EBF3: variants seen among roughly 807,000 people sequenced by gnomAD.
EBF3 encodes EBF transcription factor 3, also known as transcription factor COE3.
Under a neutral mutation model 77.1 loss-of-function variants are expected in EBF3, and 18 were observed. The ratio of observed to expected loss-of-function variants is 0.23; its 90% CI spans 0.16 to 0.35. The LOEUF (loss-of-function observed/expected upper bound fraction) is 0.35, where lower values mean the gene tolerates loss of function less well. Ranked by LOEUF, EBF3 falls within the 10% of genes least tolerant of loss-of-function variation. The probability of loss-of-function intolerance (pLI) is 1.00; values close to 1 mark genes in which losing one functional copy is unlikely to be tolerated. For missense variants in EBF3, 558 were observed against 860.0 expected (o/e 0.65, Z 4.39); for synonymous variants, 350 against 343.5 (o/e 1.02, Z -0.21).
intron 8 of EBF3, among the ~76,000 whole-genome samples, chr10:129,868,620 G>A (rs1399310945): frequency 2.6e-5 from 4 of 152,210 alleles, no homozygotes; most frequent in Non-Finnish European, 5.9e-5. Context: ...GGAGGGGTTG[G>A]GGGCACACAG....
intron 10 of EBF3, among the ~76,000 whole-genome samples, chr10:129,860,240 C>T (rs1163294384): frequency 3.9e-5 from 6 of 151,976 alleles, no homozygotes; most frequent in African/African-American, 1.5e-4. Context: ...TCCCGCTCTA[C>T]CCCCGACTCT....
chr10:129,854,872 C>T (rs1851138695), intron 10 of EBF3, among the ~76,000 whole-genome samples: 1 of 152,256 alleles, frequency 6.6e-6, no homozygotes, highest in Non-Finnish European at 1.5e-5. Flanking sequence ...GCCTCCGCGT[C>T]GTTCACCAGG....
At chr10:129,852,329 C>T (rs958513567) in intron 10 of EBF3, among the ~76,000 whole-genome samples, 7 of 152,172 alleles carry the variant, frequency 4.6e-5, no homozygotes, top group Non-Finnish European at 1.0e-4. Flanking sequence ...TTCATCACAC[C>T]GCACTTGATA....
At chr10:129,891,382 G>A (rs944768725) in intron 6 of EBF3, among the ~76,000 whole-genome samples, 7 of 152,030 alleles carry the variant, frequency 4.6e-5, no homozygotes, top group East Asian at 3.9e-4. Flanking sequence ...ACTTCCTCCC[G>A]TGCATGCAGG....
At chr10:129,955,945 A>G (rs1859003075) in intron 6 of EBF3, among the ~76,000 whole-genome samples, 1 of 152,270 alleles carries the variant, frequency 6.6e-6, no homozygotes, top group African/African-American at 2.4e-5. Context: ...ATCTAAGGCT[A>G]TATGATTTCC....
At chr10:129,839,279 G>A in intron 15 of EBF3, 84 bp from the exon 16 acceptor site, 1 of 606,020 alleles carries the variant, frequency 1.7e-6, no homozygotes, top group South Asian at 1.5e-5. Flanking sequence ...TCACTGGGAG[G>A]AGCATATACC....
At position 129,944,083 on chromosome 10, in the gene EBF3, A is replaced by C. The variant is rs1193532570; in HGVS notation, c.554+13175T>G. 6.6e-6 allele frequency among the ~76,000 whole-genome samples: 1 copy of C among 152,212 alleles called. No homozygotes were observed. Among genetic ancestry groups the C allele is most frequent in the Non-Finnish European group, 1.5e-5 (1 of 68,046 alleles). On this transcript the variant is annotated intron_variant, in intron 6 of 16. Coordinates refer to ENST00000440978, the MANE Select transcript of EBF3 (RefSeq NM_001375380.1). This position sits in a 1 kb window ranked among gnomAD's most constrained non-coding sequence, Gnocchi z 5.1. ...CATTTTTTACACCGTGGGAAAAGAA[A>C]AATATCACCGTTCTAGTAATCAAGT...
chr10:129,957,520 C>A (rs1237524328), intron 5 of EBF3, among the ~76,000 whole-genome samples, 194 bp from the exon 6 acceptor site: 1 of 152,022 alleles, frequency 6.6e-6, no homozygotes, highest in Non-Finnish European at 1.5e-5. Context: ...CCGGAAGGAG[C>A]AAAGTTGAAC....
In EBF3 at chr10:129,837,921, G is replaced by A. The variant is rs746814838; in HGVS notation, c.*22C>T. On this transcript the variant is annotated 3_prime_UTR_variant, in exon 17 of 17. Transcript: ENST00000440978. ...TGCTGGGTGCTGCGGAAGGTAAACA[G>A]AAGTCCCTCACATTGGCGGGACTAC... 1.2e-6 allele frequency: 2 copies of A among 1,613,904 alleles called. No individual in the cohort carries two copies. The highest frequency in any genetic ancestry group is 1.1e-5 in the South Asian group (1 of 91,084).
intron 11 of EBF3, among the ~76,000 whole-genome samples, chr10:129,846,108 T>TTTG (rs1554894181): frequency 1.4e-5 from 2 of 139,608 alleles, no homozygotes; most frequent in Non-Finnish European, 3.1e-5. Flanking sequence ...ATTCTGGGCT[T>TTTG]TGTGTGTGTG....
At chr10:129,883,230 C>A (rs535407520) in intron 6 of EBF3, among the ~76,000 whole-genome samples, 3 of 152,256 alleles carry the variant, frequency 2.0e-5, no homozygotes, top group South Asian at 4.1e-4. Flanking sequence ...CCTGAAAAGA[C>A]GCCTCATCAA....
intron 14 of EBF3, among the ~76,000 whole-genome samples, 158 bp downstream of exon 14, chr10:129,840,686 T>C (rs1404404856): frequency 2.0e-5 from 3 of 152,196 alleles, no homozygotes; most frequent in Admixed American, 6.5e-5. Context: ...GGGCCCGTTT[T>C]GGGTCAATTT....
rs1852358012 is a variant in EBF3, at chr10:129,870,842, A to G, written c.781+2610T>C. On this transcript the variant is annotated intron_variant, in intron 8 of 16. Coordinates refer to ENST00000440978, the MANE Select transcript of EBF3 (RefSeq NM_001375380.1). This position sits in a 1 kb window ranked among gnomAD's most constrained non-coding sequence, Gnocchi z 4.4. ...CCTATCCAGTATTCTATTAGTAAAC[A>G]GCTTCCCCAGCCTGGTCCCATTAAT... 6.6e-6 allele frequency among the ~76,000 whole-genome samples: 1 copy of G among 152,112 alleles called. No individual in the cohort carries two copies. Among genetic ancestry groups the G allele is most frequent in the Non-Finnish European group, 1.5e-5 (1 of 68,006 alleles).
intron 16 of EBF3, among the ~76,000 whole-genome samples, chr10:129,838,648 G>A (rs766302682): frequency 1.3e-5 from 2 of 152,178 alleles, no homozygotes; most frequent in Non-Finnish European, 1.5e-5. Context: ...CGCCAAGTGG[G>A]GCTGACGCTT....
rs930582702 is a variant in EBF3 at position 129,885,398 on chromosome 10, C to T, written c.555-7549G>A. Among the ~76,000 whole-genome samples the T allele has an allele frequency of 2.6e-5, 4 of 152,318 alleles. No homozygotes were observed. Among genetic ancestry groups the T allele is most frequent in the Non-Finnish European group, 4.4e-5 (3 of 68,028 alleles). ...AAGTACATCCCAGAGCTACAAGCTT[C>T]GTCAGCCACCCCACTCCGCCCGCTG... On this transcript the variant is annotated intron_variant, in intron 6 of 16. Transcript: ENST00000440978. The surrounding 1 kb of genome is among the most constrained non-coding windows in gnomAD (Gnocchi z 4.0).
Position 129,944,735 on chromosome 10 carries a change from T to C in EBF3, c.554+12523A>G, listed in dbSNP as rs1374424345. 1.3e-5 allele frequency among the ~76,000 whole-genome samples: 2 copies of C among 152,072 alleles called. No individual in the cohort carries two copies. Among genetic ancestry groups the C allele is most frequent in the African/African-American group, 2.4e-5 (1 of 41,410 alleles). Reference sequence around the variant, plus strand: ...TCTCATTTTATGCGATTAAGATCCATAAAAATTCAATAGCTTTTCTTCTGC... The same window carrying C: ...TCTCATTTTATGCGATTAAGATCCACAAAAATTCAATAGCTTTTCTTCTGC... On this transcript the variant is annotated intron_variant, in intron 6 of 16. Transcript: ENST00000440978. This position sits in a 1 kb window ranked among gnomAD's most constrained non-coding sequence, Gnocchi z 5.1.
chr10:129,896,602 C>T (rs762431051), intron 6 of EBF3, among the ~76,000 whole-genome samples: 4 of 152,208 alleles, frequency 2.6e-5, no homozygotes, highest in Non-Finnish European at 2.9e-5. Flanking sequence ...CGTGCTGGGG[C>T]GCGGCCTCCT....
At chr10:129,844,056 G>T (rs1850281921) in intron 11 of EBF3, among the ~76,000 whole-genome samples, 1 of 152,176 alleles carries the variant, frequency 6.6e-6, no homozygotes, top group Non-Finnish European at 1.5e-5. Context: ...CCGAGGCCAG[G>T]CCCAAACCCC....
At chr10:129,892,148 G>T (rs530742613) in intron 6 of EBF3, among the ~76,000 whole-genome samples, 2 of 152,196 alleles carry the variant, frequency 1.3e-5, no homozygotes, top group African/African-American at 4.8e-5. Context: ...GGATGATCCC[G>T]GGTCTCTCCC....
Sources: gnomAD v4.1 joint callset for allele counts (sites outside exome capture counted in the v4.1 genomes callset) on GRCh38, gnomAD v4.1.1 for gene constraint, Gnocchi (gnomAD v3.1) non-coding constraint, MANE v1.5 for transcripts, NCBI Gene and HGNC (gene_info 2026-07-23, HGNC 2026-07-21) for gene names.